DHX8: variants seen among roughly 807,000 people sequenced by gnomAD.
The protein encoded by DHX8 is DEAH-box helicase 8, also known as ATP-dependent RNA helicase DHX8.
In DHX8, 67 loss-of-function variants were observed where a neutral mutation model predicts 140.7. That is an observed-to-expected ratio of 0.48 (90% confidence interval 0.39 to 0.58). The LOEUF is 0.58. Among genes scored for constraint, DHX8 ranks in the 20% least tolerant of loss-of-function variants. The pLI, the probability that DHX8 is intolerant of heterozygous loss-of-function variation, is 0.00. For missense variants in DHX8, 887 were observed against 1,550.7 expected, an observed-to-expected ratio of 0.57 and a Z score of 7.19; for synonymous variants, 533 against 553.2, an observed-to-expected ratio of 0.96 and a Z score of 0.51.
chr17:43,497,161 T>C (rs971457091), intron 9 of DHX8, among the ~76,000 whole-genome samples: 5 of 152,186 alleles, frequency 3.3e-5, no homozygotes, highest in Non-Finnish European at 7.3e-5. Context: ...ACCATCTACG[T>C]ATCTATCCCT....
In DHX8 at chr17:43,523,806, C is replaced by T. The variant is rs1970504647; in HGVS notation, c.3622C>T (p.Pro1208Ser). 2 of 1,614,184 alleles carry T rather than the reference C, an allele frequency of 1.2e-6. No individual in the cohort carries two copies. The highest frequency in any genetic ancestry group is 1.7e-6 in the Non-Finnish European group (2 of 1,180,038). ...ACCCTTGTACAACCGCTATGAGGAA[C>T]CCAATGCCTGGAGAATATCTCGAGC... is the stretch of plus-strand genomic sequence containing the variant. ...LEPLYNRYEE[P>S]NAWRISRAFR... Residue 1208 changes from proline (P) to serine (S), a missense_variant, in exon 23 of 23, where the codon CCC (proline) becomes TCC (serine). Around this residue, in one of 9 missense-constraint regions of DHX8, gnomAD observed 14 missense variants for 56.3 expected, o/e 0.25. Coordinates refer to ENST00000262415, the MANE Select transcript of DHX8 (RefSeq NM_004941.3).
intron 1 of DHX8, among the ~76,000 whole-genome samples, chr17:43,488,622 A>G (rs948885450): frequency 4.0e-5 from 6 of 151,872 alleles, no homozygotes; most frequent in Admixed American, 6.6e-5. Context: ...AAAAAAAAAA[A>G]AAGAAGAACT....
chr17:43,517,637 A>G (rs1970177368), intron 18 of DHX8: 1 of 249,130 alleles, frequency 4.0e-6, no homozygotes, highest in Non-Finnish European at 7.8e-6. Flanking sequence ...GTGGACACAC[A>G]CACCTAACCT....
At chr17:43,485,618 C>T (rs1968093626) in intron 1 of DHX8, among the ~76,000 whole-genome samples, 1 of 152,058 alleles carries the variant, frequency 6.6e-6, no homozygotes, top group Non-Finnish European at 1.5e-5. Flanking sequence ...AGGCATACCA[C>T]AGAGAACAAG....
chr17:43,533,334 G>T, intron 2 of DHX8: 1 of 1,613,552 alleles, frequency 6.2e-7, no homozygotes. Flanking sequence ...GATTTGTCTG[G>T]GGGGGTCATA....
At position 43,520,886 on chromosome 17, in the gene DHX8, A is replaced by T. The variant is rs758138144; in HGVS notation, c.3066+7A>T. 3 of 1,599,014 alleles carry T rather than the reference A, an allele frequency of 1.9e-6. No homozygotes were observed. Among genetic ancestry groups the T allele is most frequent in the Non-Finnish European group, 2.6e-6 (3 of 1,173,366 alleles). ...CGTCTTCTATAGGCCCAAGGTAGGA[A>T]GTTCAGATCCAAGTTTAGATGGGGG... On this transcript the variant is annotated splice_region_variant and intron_variant, in intron 20 of 22. Transcript: ENST00000262415.
Position 43,490,469 on chromosome 17 carries a change from C to T in DHX8, c.307+6C>T. 6.2e-7 allele frequency: 1 copy of T among 1,610,920 alleles called. No homozygotes were observed. The highest frequency in any genetic ancestry group is 1.7e-5 in the Admixed American group (1 of 59,696). On this transcript the variant is annotated splice_donor_region_variant and intron_variant, in intron 3 of 22. Coordinates refer to ENST00000262415, the MANE Select transcript of DHX8 (RefSeq NM_004941.3). ...GAAGCCTTCCACTAGCAAAGGTAAG[C>T]AGAGCTTCCAGCTGAGCTTAGCTTC...
At chr17:43,489,150 G>A (rs1332496200) in intron 1 of DHX8, among the ~76,000 whole-genome samples, 2 of 152,004 alleles carry the variant, frequency 1.3e-5, no homozygotes, top group Admixed American at 6.6e-5. Flanking sequence ...GATTACAGGT[G>A]CCTGCCACCA....
At chr17:43,530,006 CAG>C (rs919962755), downstream of DHX8, 10 of 1,612,206 alleles carry the variant, frequency 6.2e-6, no homozygotes, top group African/African-American at 1.3e-5. Flanking sequence ...GATGAGACCC[CAG>C]AGAGTCCAGA....
In DHX8 at chr17:43,492,203, T is replaced by C. The variant is rs949535628; in HGVS notation, c.414T>C (p.Asp138=). 2 of 1,614,098 alleles carry C rather than the reference T, an allele frequency of 1.2e-6. No individual in the cohort carries two copies. The highest frequency in any genetic ancestry group is 8.5e-7 in the Non-Finnish European group (1 of 1,179,966). The change falls in exon 5 of 23, where the codon GAT becomes GAC. Residue 138 remains aspartate, a synonymous_variant. Transcript: ENST00000262415. ...TGCAGACCATGTTGGATGAAGATGA[T>C]GTGAAAGTTGCTGTGGATGTCCTGA... The part of the protein sequence containing the change: ...PSVRTMLDED[D]VKVAVDVLKE...
chr17:43,536,353 G>T, intron 2 of DHX8: 1 of 1,336,696 alleles, frequency 7.5e-7, no homozygotes, highest in Non-Finnish European at 1.1e-6. Flanking sequence ...GCTCTCTTGT[G>T]ATTCTCTATC....
intron 3 of DHX8, among the ~76,000 whole-genome samples, chr17:43,537,557 G>A (rs574816064): frequency 2.0e-5 from 3 of 151,384 alleles, no homozygotes; most frequent in Non-Finnish European, 4.4e-5. Context: ...TTAGTCAGGC[G>A]TGGCGGTGGG....
intron 22 of DHX8, among the ~76,000 whole-genome samples, 164 bp from the exon 23 acceptor site, chr17:43,523,464 G>T (rs927107675): frequency 6.6e-6 from 1 of 152,214 alleles, no homozygotes; most frequent in Non-Finnish European, 1.5e-5. Flanking sequence ...GGGTGCTTCA[G>T]TATTGGGGTG....
Position 43,492,300 on chromosome 17 carries a change from C to T in DHX8, c.503+8C>T, listed in dbSNP as rs1968569246. ...AAGAGATGCTGAACACCGGTTTGTCCTTAGTGTCCTGTCCTTTGGAAGTTT... is the reference window on the plus strand; with the variant it reads ...AAGAGATGCTGAACACCGGTTTGTCTTTAGTGTCCTGTCCTTTGGAAGTTT... On this transcript the variant is annotated splice_region_variant and intron_variant, in intron 5 of 22. Coordinates refer to ENST00000262415, the MANE Select transcript of DHX8 (RefSeq NM_004941.3). 6.2e-7 allele frequency: 1 copy of T among 1,608,094 alleles called. No homozygotes were observed.
chr17:43,504,788 G>A lies in DHX8; in HGVS notation c.1691G>A (p.Ser564Asn), dbSNP rs757758404. The change falls in exon 12 of 23, where the codon AGC becomes AAC. Residue 564 changes from serine to asparagine, a missense_variant. By Grantham distance (46) the Ser-to-Asn change is conservative (BLOSUM62 1). Around this residue, in one of 9 missense-constraint regions of DHX8, gnomAD observed 178 missense variants for 398.5 expected, o/e 0.45. Coordinates refer to ENST00000262415, the MANE Select transcript of DHX8 (RefSeq NM_004941.3). ...TQMSILEQRE[S>N]LPIYKLKEQL... The stretch of plus-strand genomic sequence containing the variant: ...ATGTCAATCCTTGAGCAGAGGGAGA[G>A]CCTGCCCATCTACAAACTGAAGGAG... 4.3e-6 allele frequency: 7 copies of A among 1,613,992 alleles called. No homozygotes were observed. The highest frequency in any genetic ancestry group is 3.4e-6 in the Non-Finnish European group (4 of 1,180,030).
At chr17:43,493,141 T>G in intron 6 of DHX8, 101 bp downstream of exon 6, 1 of 1,478,758 alleles carries the variant, frequency 6.8e-7, no homozygotes, top group Non-Finnish European at 9.1e-7. Context: ...TAATGACACT[T>G]TAGTCAAATC....
chr17:43,507,286 C>T, intron 13 of DHX8, 89 bp downstream of exon 13: 1 of 1,421,578 alleles, frequency 7.0e-7, no homozygotes, highest in South Asian at 1.4e-5. Flanking sequence ...ATAATACTGC[C>T]TTTTTTCAGG....
At position 43,493,779 on chromosome 17, in the gene DHX8, A is replaced by C; in HGVS notation, c.1105A>C (p.Arg369=). Residue 369 remains arginine (R), a synonymous_variant, in exon 8 of 23, where the codon AGA becomes CGA. Transcript: ENST00000262415. The stretch of plus-strand genomic sequence containing the variant: ...GGAGACCTCAATGCGGAATCCTGAT[A>C]GACCCACTCACTTGTCCCTTGTCAG... ...NEETSMRNPD[R]PTHLSLVSAP... 1 of 1,614,244 alleles carries C rather than the reference A, an allele frequency of 6.2e-7. No individual in the cohort carries two copies. Among genetic ancestry groups the C allele is most frequent in the East Asian group, 2.2e-5 (1 of 44,876 alleles).
At chr17:43,485,688 C>T (rs1227676341) in intron 1 of DHX8, among the ~76,000 whole-genome samples, 2 of 152,012 alleles carry the variant, frequency 1.3e-5, no homozygotes, top group Non-Finnish European at 2.9e-5. Context: ...ACTCCTAATA[C>T]CTTGGCCTTT....
Sources: gnomAD v4.1 joint callset for allele counts (sites outside exome capture counted in the v4.1 genomes callset) on GRCh38, gnomAD v4.1.1 for gene constraint, gnomAD v4.1.1 regional missense constraint, MANE v1.5 for transcripts, NCBI Gene and HGNC (gene_info 2026-07-23, HGNC 2026-07-21) for gene names.